Variants in FAM83G observed in about 807,000 individuals in gnomAD.
FAM83G encodes protein FAM83G.
A neutral mutation model predicts 61.5 loss-of-function variants in FAM83G; 38 were observed. That is an observed-to-expected ratio of 0.62 (90% CI 0.48 to 0.81). The LOEUF is 0.81. Ranked by LOEUF, FAM83G falls within the 30% of genes least tolerant of loss-of-function variation. The pLI, the probability that FAM83G is intolerant of heterozygous loss-of-function variation, is 0.00. For missense variants in FAM83G, 989 were observed against 1,133.6 expected (o/e 0.87, Z 1.83); for synonymous variants, 470 against 476.1 (o/e 0.99, Z 0.17).
At chr17:18,979,372 G>T in intron 4 of FAM83G, 177 bp downstream of exon 4, 1 of 763,556 alleles carries the variant, frequency 1.3e-6, no homozygotes, top group Non-Finnish European at 2.0e-6. Context: ...CTCAGACAAA[G>T]CCCTTCTCTG....
intron 2 of FAM83G, among the ~76,000 whole-genome samples, chr17:18,991,798 T>C (rs1036249451): frequency 6.6e-6 from 1 of 152,202 alleles, no homozygotes; most frequent in African/African-American, 2.4e-5. Context: ...GGGAGCCCAG[T>C]GGTCCCTGTG....
In FAM83G at chr17:19,004,062, T is replaced by C; in HGVS notation, c.-21A>G. 1.3e-6 allele frequency: 2 copies of C among 1,561,520 alleles called. No homozygotes were observed. The highest frequency in any genetic ancestry group is 1.7e-6 in the Non-Finnish European group (2 of 1,152,426). On this transcript the variant is annotated 5_prime_UTR_variant, in exon 2 of 6. Transcript: ENST00000388995. This position sits in a 1 kb window ranked among gnomAD's most constrained non-coding sequence, Gnocchi z 5.4. ...GCCATGGCGCCGCCTGCCCGGGCAC[T>C]GCTGCCGGGGGTGGGTGGGCAAGGT...
At chr17:19,001,288 G>A (rs192794011) in intron 2 of FAM83G, among the ~76,000 whole-genome samples, 1 of 152,328 alleles carries the variant, frequency 6.6e-6, no homozygotes, top group African/African-American at 2.4e-5. Flanking sequence ...CAATGCTGTG[G>A]AGTCATGAAC....
In FAM83G at chr17:18,978,318, G is replaced by A. The variant is rs764281467; in HGVS notation, c.1348C>T (p.Arg450Cys). The A allele has an allele frequency of 2.4e-5, 39 of 1,608,412 alleles. No homozygotes were observed. Among genetic ancestry groups the A allele is most frequent in the Non-Finnish European group, 3.1e-5 (37 of 1,177,750 alleles). Residue 450 changes from arginine to cysteine, a missense_variant, in exon 5 of 6, where the codon CGT (arginine) becomes TGT (cysteine). By Grantham distance (180) the Arg-to-Cys change is radical (BLOSUM62 -3). Transcript: ENST00000388995. ...TGGGCGCTGGCCTGGGAGGTGTCAC[G>A]GATCTTGATGCGGTTCATCTGGCTG... Reference protein sequence around the residue: ...QPSQMNRIKIRDTSQASAQHQ... With the variant: ...QPSQMNRIKICDTSQASAQHQ...
intron 2 of FAM83G, among the ~76,000 whole-genome samples, chr17:18,998,052 C>T (rs1296588835): frequency 2.0e-5 from 3 of 152,208 alleles, no homozygotes; most frequent in East Asian, 1.9e-4. Flanking sequence ...CCCAGTGATA[C>T]GGAAGCCTGT....
intron 3 of FAM83G, among the ~76,000 whole-genome samples, chr17:18,981,683 GC>G: frequency 6.6e-6 from 1 of 152,184 alleles, no homozygotes; most frequent in Non-Finnish European, 1.5e-5. Context: ...CCCATCTGAT[GC>G]CCACCTGTGG....
chr17:18,972,017 G>A (rs1233732268), intron 5 of FAM83G, among the ~76,000 whole-genome samples: 2 of 152,218 alleles, frequency 1.3e-5, no homozygotes, highest in African/African-American at 4.8e-5. Context: ...TCCGACACAG[G>A]CCTGGGACGT....
Position 19,003,562 on chromosome 17 carries a change from G to A in FAM83G, c.480C>T (p.His160=), listed in dbSNP as rs754352331. 4 of 1,569,350 alleles carry A rather than the reference G, an allele frequency of 2.5e-6. No individual in the cohort carries two copies. In the East Asian group the frequency reaches 9.0e-5, roughly 35 times the overall value. The part of the protein sequence containing the change: ...YMQPPIDGQA[H]IKEVVRKMIS... ...TCATCTTCCGCACCACCTCTTTGATGTGGGCCTGCCCGTCTATGGGGGGCT... is the reference window on the plus strand; with the variant it reads ...TCATCTTCCGCACCACCTCTTTGATATGGGCCTGCCCGTCTATGGGGGGCT... The change falls in exon 2 of 6, where the codon CAC becomes CAT. Residue 160 remains histidine, a synonymous_variant. Transcript: ENST00000388995. This position sits in a 1 kb window ranked among gnomAD's most constrained non-coding sequence, Gnocchi z 4.5.
chr17:18,969,481 TGGCACTGCCC>T lies in FAM83G; in HGVS notation c.*1868_*1877del. 1 of 1,495,944 alleles carries T rather than the reference TGGCACTGCCC, an allele frequency of 6.7e-7. No homozygotes were observed. Among genetic ancestry groups the T allele is most frequent in the Non-Finnish European group, 9.3e-7 (1 of 1,077,424 alleles). 92.7% of individuals were successfully genotyped at this position (1,495,944 alleles called of 1,614,324 possible). A position where few individuals can be genotyped will look rare whatever the true frequency, so the allele number is the denominator to read the frequency against. On this transcript the variant is annotated 3_prime_UTR_variant, in exon 6 of 6. Coordinates refer to ENST00000388995, the MANE Select transcript of FAM83G (RefSeq NM_001039999.3). ...TCCCCACAGCGAGCCCTTTGGAGTC[TGGCACTGCCC>T]GGCACTGTGCAGGATTCATGCCGTT...
chr17:18,990,693 CCA>C (rs922413046), intron 2 of FAM83G, among the ~76,000 whole-genome samples: 15 of 152,218 alleles, frequency 9.9e-5, no homozygotes, highest in Non-Finnish European at 1.9e-4. Context: ...ATGGATCCCC[CCA>C]CAGTCCTGGC....
Position 18,995,911 on chromosome 17 carries a change from T to TAAA in FAM83G, c.523-7500_523-7498dup, listed in dbSNP as rs555014135. ...CAACAGAGTAAGACTCTGTCTCAAT[T>TAAA]AAAAAAAAAAAAAAAAGACTAAATC... On this transcript the variant is annotated intron_variant, in intron 2 of 5. Coordinates refer to ENST00000388995, the MANE Select transcript of FAM83G (RefSeq NM_001039999.3). Among the ~76,000 whole-genome samples the TAAA allele has an allele frequency of 1.1e-4, 14 of 125,354 alleles. No homozygotes were observed. The South Asian group carries it at 3.4e-3, about 30-fold the overall frequency. 82.2% of individuals were successfully genotyped at this position (125,354 alleles called of 152,430 possible).
intron 2 of FAM83G, among the ~76,000 whole-genome samples, chr17:18,998,098 G>A (rs1286071153): frequency 1.3e-5 from 2 of 152,236 alleles, no homozygotes; most frequent in Non-Finnish European, 2.9e-5. Context: ...AACCTGGCAA[G>A]GTACTCGAGC....
chr17:19,001,350 C>T (rs758043986), intron 2 of FAM83G, among the ~76,000 whole-genome samples: 3 of 152,190 alleles, frequency 2.0e-5, no homozygotes, highest in Non-Finnish European at 2.9e-5. Flanking sequence ...AGATGAGGAG[C>T]TTAGTCTCTA....
chr17:19,000,857 G>A lies in FAM83G; in HGVS notation c.522+2663C>T, dbSNP rs1036455902. Among the ~76,000 whole-genome samples the A allele has an allele frequency of 2.0e-5, 3 of 152,156 alleles. No individual in the cohort carries two copies. The highest frequency in any genetic ancestry group is 4.8e-5 in the African/African-American group (2 of 41,436). On this transcript the variant is annotated intron_variant, in intron 2 of 5. Coordinates refer to ENST00000388995, the MANE Select transcript of FAM83G (RefSeq NM_001039999.3). The surrounding 1 kb of genome is among the most constrained non-coding windows in gnomAD (Gnocchi z 5.2). ...AGGAAGCAGGCAGACAAAGCGCCCC[G>A]TCAGCATCCGTCAGTGTCCGGGCCC...
Position 18,977,700 on chromosome 17 carries a change from G to A in FAM83G, c.1966C>T (p.Arg656Ter), listed in dbSNP as rs767444753. ...RRQLSAPHIT[R>*]GTFVGPQGGS... is the part of the protein sequence containing the mutation. Reference sequence around the variant, plus strand: ...CCCTGGGGTCCAACAAAGGTCCCTCGGGTTATATGGGGGGCACTCAGCTGC... The same window carrying A: ...CCCTGGGGTCCAACAAAGGTCCCTCAGGTTATATGGGGGGCACTCAGCTGC... Residue 656 changes from arginine (R) to a stop codon, truncating the protein, a stop_gained, in exon 5 of 6, where the codon CGA becomes TGA. Coordinates refer to ENST00000388995, the MANE Select transcript of FAM83G (RefSeq NM_001039999.3). LOFTEE classifies it high-confidence loss of function. 1.2e-5 allele frequency: 19 copies of A among 1,609,994 alleles called. No homozygotes were observed. Among genetic ancestry groups the A allele is most frequent in the Non-Finnish European group, 1.2e-5 (14 of 1,179,444 alleles).
intron 2 of FAM83G, among the ~76,000 whole-genome samples, chr17:18,991,579 G>C (rs891377016): frequency 6.6e-6 from 1 of 152,190 alleles, no homozygotes; most frequent in African/African-American, 2.4e-5. Context: ...GGCAGGAGGC[G>C]GGTGGCCTGG....
chr17:18,992,403 C>T (rs915061931), intron 2 of FAM83G, among the ~76,000 whole-genome samples: 2 of 152,202 alleles, frequency 1.3e-5, no homozygotes, highest in African/African-American at 2.4e-5. Flanking sequence ...GGGCAGTGAC[C>T]GGAGCAGCTT....
At chr17:18,989,648 C>A (rs535360849) in intron 2 of FAM83G, among the ~76,000 whole-genome samples, 2 of 152,258 alleles carry the variant, frequency 1.3e-5, no homozygotes, top group Non-Finnish European at 2.9e-5. Flanking sequence ...AAGAGCCCGA[C>A]GGGGGGCTGG....
At chr17:18,979,899 T>A (rs1389522743) in intron 3 of FAM83G, among the ~76,000 whole-genome samples, 1 of 152,048 alleles carries the variant, frequency 6.6e-6, no homozygotes, top group African/African-American at 2.4e-5. Flanking sequence ...CAGGCACTGG[T>A]ACAAAGGGGT....
Sources: allele counts gnomAD v4.1 joint callset (sites outside exome capture counted in the v4.1 genomes callset), GRCh38; gene constraint gnomAD v4.1.1; non-coding constraint Gnocchi (gnomAD v3.1); transcripts MANE v1.5; gene names NCBI Gene and HGNC (gene_info 2026-07-23, HGNC 2026-07-21).